The following SMARCB1 variants were observed in gnomAD, a reference collection of about 807,000 sequenced individuals.
SMARCB1 encodes SWI/SNF related BAF chromatin remodeling complex subunit B1.
A neutral mutation model predicts 49.0 loss-of-function variants in SMARCB1; 5 were observed. The ratio of observed to expected loss-of-function variants is 0.10; its 90% CI spans 0.05 to 0.21. The LOEUF (loss-of-function observed/expected upper bound fraction) is 0.21, where lower values mean the gene tolerates loss of function less well. Among genes scored for constraint, SMARCB1 ranks in the 10% least tolerant of loss-of-function variants. SMARCB1 has a pLI of 1.00. For synonymous variants in SMARCB1, 201 were observed against 200.1 expected, an observed-to-expected ratio of 1.00 and a Z score of -0.04; for missense variants, 226 against 509.2, an observed-to-expected ratio of 0.44 and a Z score of 5.35.
rs567035571 is a variant in SMARCB1 at position 23,836,984 on chromosome 22, G to C, written c.*2804G>C. On this transcript the variant is annotated 3_prime_UTR_variant, in exon 9 of 9. Transcript: ENST00000644036. The stretch of plus-strand genomic sequence containing the variant: ...CTTTCTGTGGGGAGGGGCCCGTGTT[G>C]AGCACAGGCCAGCACAGGTCCCCAT... 6.2e-7 allele frequency: 1 copy of C among 1,607,458 alleles called. No homozygotes were observed. Among genetic ancestry groups the C allele is most frequent in the South Asian group, 1.1e-5 (1 of 90,248 alleles).
chr22:23,807,229 G>A (rs1929549365), intron 5 of SMARCB1, among the ~76,000 whole-genome samples: 2 of 152,164 alleles, frequency 1.3e-5, no homozygotes, highest in Non-Finnish European at 2.9e-5. Context: ...GGAGTGATTA[G>A]GGCCCTGAGT....
chr22:23,787,107 GC>G lies in SMARCB1; in HGVS notation c.-59del. 1 of 1,066,664 alleles carries G rather than the reference GC, an allele frequency of 9.4e-7. No individual in the cohort carries two copies. The highest frequency in any genetic ancestry group is 1.4e-6 in the Non-Finnish European group (1 of 691,914). 66.1% of individuals were successfully genotyped at this position (1,066,664 alleles called of 1,614,324 possible). ...GTTTCCCTCGGCCCAGCACGCCCCG[GC>G]CCCGCCCCAGCCCTCCTGATCCCTC... On this transcript the variant is annotated 5_prime_UTR_variant, in exon 1 of 9. Coordinates refer to ENST00000644036, the MANE Select transcript of SMARCB1 (RefSeq NM_003073.5).
At chr22:23,808,372 C>T (rs1211021070) in intron 5 of SMARCB1, among the ~76,000 whole-genome samples, 3 of 152,252 alleles carry the variant, frequency 2.0e-5, no homozygotes, top group Non-Finnish European at 2.9e-5. Context: ...CCGCCCACCT[C>T]GGCCTCCCAA....
At position 23,823,658 on chromosome 22, in the gene SMARCB1, A is replaced by G. The variant is rs529401863; in HGVS notation, c.796-1567A>G. ...TGAAGAAAATAGGAGAGGTGCCAGC[A>G]TGGTGGCCCGCACGTATAGTCGCAG... On this transcript the variant is annotated intron_variant, in intron 6 of 8. Coordinates refer to ENST00000644036, the MANE Select transcript of SMARCB1 (RefSeq NM_003073.5). 4.6e-5 allele frequency: 7 copies of G among 152,252 alleles called. No homozygotes were observed. The East Asian group carries it at 1.4e-3, about 29-fold the overall frequency. 9.4% of individuals were successfully genotyped at this position (152,252 alleles called of 1,614,324 possible). A position where few individuals can be genotyped will look rare whatever the true frequency, so the allele number is the denominator to read the frequency against.
At position 23,825,326 on chromosome 22, in the gene SMARCB1, G is replaced by T. The variant is rs2229354; in HGVS notation, c.897G>T (p.Ser299=). 20 of 1,614,010 alleles carry T rather than the reference G, an allele frequency of 1.2e-5. No homozygotes were observed. The East Asian group carries it at 3.8e-4, about 31-fold the overall frequency. ...AGAAGTTTGCCCTGAAGCTGTGCTC[G>T]GAGCTGGGGTTGGGCGGGGAGTTTG... The part of the protein sequence containing the change: ...SPEKFALKLC[S]ELGLGGEFVT... Residue 299 remains serine, a synonymous_variant, in exon 7 of 9, where the codon TCG becomes TCT. Transcript: ENST00000644036.
At chr22:23,798,547 C>G (rs1231493702) in intron 3 of SMARCB1, among the ~76,000 whole-genome samples, 1 of 152,156 alleles carries the variant, frequency 6.6e-6, no homozygotes, top group Non-Finnish European at 1.5e-5. Context: ...AAATTGGGTA[C>G]TACAAAATCC....
rs891234581 is a variant in SMARCB1 at position 23,837,927 on chromosome 22, T to C, written c.*3747T>C. ...GGGCCCCTCTGACTTCCCAAGACCCTGGAATTCTTCCCCTCATCTCCCCTA... is the reference window on the plus strand; with the variant it reads ...GGGCCCCTCTGACTTCCCAAGACCCCGGAATTCTTCCCCTCATCTCCCCTA... On this transcript the variant is annotated 3_prime_UTR_variant, in exon 9 of 9. Coordinates refer to ENST00000644036, the MANE Select transcript of SMARCB1 (RefSeq NM_003073.5). 1.8e-5 allele frequency: 26 copies of C among 1,441,394 alleles called. No individual in the cohort carries two copies. The highest frequency in any genetic ancestry group is 2.0e-5 in the Non-Finnish European group (22 of 1,073,766). The allele number at this position is 1,441,394 out of a possible 1,614,324, so 89.3% of individuals were successfully genotyped here.
chr22:23,823,003 C>T (rs1371563671), intron 6 of SMARCB1: 1 of 85,410 alleles, frequency 1.2e-5, no homozygotes, highest in Admixed American at 1.9e-4. Context: ...TTTTTTGACA[C>T]AGAGTCTCGC....
intron 3 of SMARCB1, among the ~76,000 whole-genome samples, chr22:23,797,003 T>C (rs1255180597): frequency 6.7e-6 from 1 of 148,896 alleles, no homozygotes; most frequent in African/African-American, 2.5e-5. Context: ...TGTTTTTCTT[T>C]TTTTTTTTTT....
intron 5 of SMARCB1, 27 bp downstream of exon 5, chr22:23,803,449 C>T (rs1247318778): frequency 2.5e-6 from 4 of 1,613,392 alleles, no homozygotes; most frequent in Non-Finnish European, 1.7e-6. Flanking sequence ...CTTGGCTGGG[C>T]CTGGCCCCAA....
chr22:23,834,059 G>T (rs2146044155), intron 8 of SMARCB1, 82 bp from the exon 9 acceptor site: 1 of 1,451,990 alleles, frequency 6.9e-7, no homozygotes, highest in Admixed American at 2.0e-5. Context: ...CCTACACTTG[G>T]CTGCCCTGTA....
At chr22:23,796,771 G>C (rs928155369) in intron 3 of SMARCB1, among the ~76,000 whole-genome samples, 2 of 152,136 alleles carry the variant, frequency 1.3e-5, no homozygotes, top group African/African-American at 4.8e-5. Context: ...TGATCATGTC[G>C]TGAGGAACAG....
chr22:23,816,426 C>T (rs944563536), intron 5 of SMARCB1: 1 of 479,546 alleles, frequency 2.1e-6, no homozygotes, highest in Non-Finnish European at 3.8e-6. Flanking sequence ...AGAGAGATGG[C>T]ACGCAAGCTT....
chr22:23,836,949 C>T lies in SMARCB1; in HGVS notation c.*2769C>T, dbSNP rs1355936264. Reference sequence around the variant, plus strand: ...TAATTGGGGTCTTCTGCAGGGGCATCCAGGAGCAGCTTTCTGTGGGGAGGG... The same window carrying T: ...TAATTGGGGTCTTCTGCAGGGGCATTCAGGAGCAGCTTTCTGTGGGGAGGG... On this transcript the variant is annotated 3_prime_UTR_variant, in exon 9 of 9. Transcript: ENST00000644036. 6.3e-7 allele frequency: 1 copy of T among 1,591,392 alleles called. No individual in the cohort carries two copies. Among genetic ancestry groups the T allele is most frequent in the Non-Finnish European group, 8.5e-7 (1 of 1,169,598 alleles).
chr22:23,834,561 A>G lies in SMARCB1; in HGVS notation c.*381A>G. 1.4e-6 allele frequency: 1 copy of G among 701,924 alleles called. No individual in the cohort carries two copies. Among genetic ancestry groups the G allele is most frequent in the Non-Finnish European group, 2.6e-6 (1 of 385,994 alleles). The allele number at this position is 701,924 out of a possible 1,614,324, so 43.5% of individuals were successfully genotyped here. A position where few individuals can be genotyped will look rare whatever the true frequency, so the allele number is the denominator to read the frequency against. On this transcript the variant is annotated 3_prime_UTR_variant, in exon 9 of 9. Transcript: ENST00000644036. ...TCAAAGTTTTAACATAAAAATAATG[A>G]GAGCCAGGAGTGGGGCCGGGGCCTG...
chr22:23,836,460 A>G lies in SMARCB1; in HGVS notation c.*2280A>G. The G allele has an allele frequency of 1.0e-6, 1 of 993,026 alleles. No homozygotes were observed. The highest frequency in any genetic ancestry group is 1.2e-6 in the Non-Finnish European group (1 of 835,292). 61.5% of individuals were successfully genotyped at this position (993,026 alleles called of 1,614,324 possible). On this transcript the variant is annotated 3_prime_UTR_variant, in exon 9 of 9. Coordinates refer to ENST00000644036, the MANE Select transcript of SMARCB1 (RefSeq NM_003073.5). The stretch of plus-strand genomic sequence containing the variant: ...TGAACTTCCCCGCTGACTGGCAGGT[A>G]GCAGAGGCCTATGGTGGGCAGGACT...
chr22:23,805,800 C>T (rs554875420), intron 5 of SMARCB1, among the ~76,000 whole-genome samples: 2 of 152,282 alleles, frequency 1.3e-5, no homozygotes, highest in South Asian at 2.1e-4. Flanking sequence ...CCACCGCGCC[C>T]GGCTGCTGTT....
Position 23,835,306 on chromosome 22 carries a change from T to C in SMARCB1, c.*1126T>C. On this transcript the variant is annotated 3_prime_UTR_variant, in exon 9 of 9. Coordinates refer to ENST00000644036, the MANE Select transcript of SMARCB1 (RefSeq NM_003073.5). The stretch of plus-strand genomic sequence containing the variant: ...AGCAAACTGGCTCGCAGCTCCAGCC[T>C]TACTGAAGAGAATGGGCACAGATCC... 9.7e-7 allele frequency: 1 copy of C among 1,035,192 alleles called. No homozygotes were observed. 64.1% of individuals were successfully genotyped at this position (1,035,192 alleles called of 1,614,324 possible). A position where few individuals can be genotyped will look rare whatever the true frequency, so the allele number is the denominator to read the frequency against.
chr22:23,793,779 CA>C, intron 3 of SMARCB1, 91 bp downstream of exon 3: 70 of 1,003,650 alleles, frequency 7.0e-5, no homozygotes, highest in Middle Eastern at 2.4e-4. Flanking sequence ...TAAATTGAAA[CA>C]CTTTTTTTTT....
Sources: gnomAD v4.1 joint callset for allele counts (sites outside exome capture counted in the v4.1 genomes callset) on GRCh38, gnomAD v4.1.1 for gene constraint, MANE v1.5 for transcripts, NCBI Gene and HGNC (gene_info 2026-07-23, HGNC 2026-07-21) for gene names.